The following MGST3 variants were observed in gnomAD, a reference collection of about 807,000 sequenced individuals.
MGST3 encodes microsomal glutathione S-transferase 3, also known as glutathione S-transferase 3, mitochondrial.
In MGST3, 13 loss-of-function variants were observed where a neutral mutation model predicts 15.8. That is an observed-to-expected ratio of 0.82 (90% CI 0.54 to 1.31). MGST3 has a LOEUF of 1.31. Among genes scored for constraint, MGST3 ranks in the 50% most tolerant of loss-of-function variants. The probability of loss-of-function intolerance (pLI) is 0.00; values close to 1 mark genes in which losing one functional copy is unlikely to be tolerated. For missense variants in MGST3, 155 were observed against 192.4 expected (o/e 0.81, Z 1.15); for synonymous variants, 49 against 68.1 (o/e 0.72, Z 1.38).
Position 165,655,398 on chromosome 1 carries a change from G to A in MGST3, c.353G>A (p.Gly118Glu). Residue 118 changes from glycine to glutamate, a missense_variant, in exon 6 of 6, where the codon GGG (glycine) becomes GAG (glutamate). Gly to Glu is a moderately conservative substitution (Grantham distance 98). Transcript: ENST00000367889. ...EPSKRSRGAL[G>E]SIALLGLVGT... ...AGCAAGCGTAGTCGAGGAGCCCTGG[G>A]GTCCATCGCCCTCCTGGGCTTGGTG... 1 of 1,613,974 alleles carries A rather than the reference G, an allele frequency of 6.2e-7. No homozygotes were observed. Among genetic ancestry groups the A allele is most frequent in the South Asian group, 1.1e-5 (1 of 91,070 alleles).
At chr1:165,641,138 G>A (rs149813630) in intron 1 of MGST3, among the ~76,000 whole-genome samples, 46 of 152,240 alleles carry the variant, frequency 3.0e-4, no homozygotes, top group Admixed American at 7.8e-4. Flanking sequence ...AGCCTAGATC[G>A]TGCCACTTCA....
At chr1:165,645,611 T>C (rs1005818466) in intron 1 of MGST3, 14 of 152,208 alleles carry the variant, frequency 9.2e-5, no homozygotes, top group Non-Finnish European at 2.1e-4. Context: ...GCTATACTTT[T>C]ATATGACTGG....
intron 3 of MGST3, 152 bp from the exon 4 acceptor site, chr1:165,651,826 C>T (rs1033496591): frequency 1.6e-5 from 9 of 564,946 alleles, no homozygotes; most frequent in Admixed American, 1.0e-4. Flanking sequence ...ACCCGGGAGG[C>T]GGAGGTTGCA....
At chr1:165,647,156 C>CA (rs1648427102) in intron 1 of MGST3, 1 of 152,198 alleles carries the variant, frequency 6.6e-6, no homozygotes, top group African/African-American at 2.4e-5. Context: ...CATACCTTAA[C>CA]AAAGTGTGAG....
chr1:165,636,482 C>A (rs1202864439), intron 1 of MGST3, among the ~76,000 whole-genome samples: 1 of 152,050 alleles, frequency 6.6e-6, no homozygotes, highest in Admixed American at 6.5e-5. Context: ...ATGCCTGTAA[C>A]CCCAGCACTT....
At chr1:165,642,162 G>A (rs948461423) in intron 1 of MGST3, among the ~76,000 whole-genome samples, 1 of 152,210 alleles carries the variant, frequency 6.6e-6, no homozygotes, top group Non-Finnish European at 1.5e-5. Flanking sequence ...ATTTGCCTGT[G>A]TCCCCTGCTA....
intron 1 of MGST3, among the ~76,000 whole-genome samples, chr1:165,633,728 G>C (rs12043601): frequency 6.6e-6 from 1 of 151,964 alleles, no homozygotes; most frequent in Admixed American, 6.6e-5. Flanking sequence ...TCTTGTAATA[G>C]AAAATTACCA....
intron 4 of MGST3, among the ~76,000 whole-genome samples, chr1:165,652,439 T>C (rs953730016): frequency 1.3e-5 from 2 of 151,574 alleles, no homozygotes; most frequent in Non-Finnish European, 2.9e-5. Flanking sequence ...TTCATAGAGC[T>C]TGCCTTTTTG....
chr1:165,655,316 C>T (rs1229099156), intron 5 of MGST3, 52 bp from the exon 6 acceptor site: 5 of 1,608,264 alleles, frequency 3.1e-6, no homozygotes, highest in Non-Finnish European at 3.4e-6. Flanking sequence ...ATGTTGAAAG[C>T]ATCATAATTC....
chr1:165,635,118 T>G (rs1191794928), intron 1 of MGST3, among the ~76,000 whole-genome samples: 1 of 151,934 alleles, frequency 6.6e-6, no homozygotes, highest in Non-Finnish European at 1.5e-5. Context: ...CTGAGGTTGC[T>G]GCCTGCAGAC....
chr1:165,640,838 G>A (rs982120426), intron 1 of MGST3, among the ~76,000 whole-genome samples: 6 of 152,134 alleles, frequency 3.9e-5, no homozygotes, highest in African/African-American at 7.2e-5. Flanking sequence ...CTTCCCAGCC[G>A]GGATCCTGAT....
chr1:165,637,796 T>C (rs1326185772), intron 1 of MGST3, among the ~76,000 whole-genome samples: 1 of 152,208 alleles, frequency 6.6e-6, no homozygotes, highest in African/African-American at 2.4e-5. Flanking sequence ...AGCATGTGTT[T>C]TAGGAGTTAG....
chr1:165,642,216 T>C (rs1648281160), intron 1 of MGST3, among the ~76,000 whole-genome samples: 3 of 152,218 alleles, frequency 2.0e-5, no homozygotes, highest in African/African-American at 7.2e-5. Context: ...TGTTCCCTGT[T>C]CGTCTCCAGC....
intron 1 of MGST3, among the ~76,000 whole-genome samples, chr1:165,638,809 A>AC (rs71583446): frequency 0.036 from 5,387 of 151,356 alleles, 335 homozygotes; most frequent in African/African-American, 0.13. Context: ...AAAAAAAAAA[A>AC]CCCACATTCT....
In MGST3 at chr1:165,652,022, G is replaced by A. The variant is rs201925632; in HGVS notation, c.236G>A (p.Gly79Asp). 1 of 1,613,322 alleles carries A rather than the reference G, an allele frequency of 6.2e-7. No individual in the cohort carries two copies. Among genetic ancestry groups the A allele is most frequent in the Non-Finnish European group, 8.5e-7 (1 of 1,179,464 alleles). ...TTCTTATTTTTTCTAGCTGTTGGAG[G>A]TGTTTACCACCCGGTAAGTTTTCCA... ...PPFLFFLAVGGVYHPRIASGL... is the reference protein window; with the variant it reads ...PPFLFFLAVGDVYHPRIASGL... Residue 79 changes from glycine to aspartate, a missense_variant, in exon 4 of 6, where the codon GGT (glycine) becomes GAT (aspartate). Transcript: ENST00000367889.
chr1:165,641,542 T>C (rs1011443345), intron 1 of MGST3, among the ~76,000 whole-genome samples: 13 of 152,360 alleles, frequency 8.5e-5, no homozygotes, highest in African/African-American at 3.1e-4. Flanking sequence ...TTAGGAACTG[T>C]TGCATATGTG....
At chr1:165,637,071 T>C (rs1648133211) in intron 1 of MGST3, 2 of 152,180 alleles carry the variant, frequency 1.3e-5, no homozygotes, top group African/African-American at 4.8e-5. Context: ...AAAATATTGA[T>C]TTTTGCCATG....
chr1:165,654,414 G>A (rs1648651573), intron 5 of MGST3, 63 bp downstream of exon 5: 1 of 1,474,230 alleles, frequency 6.8e-7, no homozygotes, highest in Non-Finnish European at 9.5e-7. Flanking sequence ...ATGCTGGCCA[G>A]GCACAGTGGC....
intron 4 of MGST3, 190 bp from the exon 5 acceptor site, chr1:165,654,089 A>G (rs1648636132): frequency 1.7e-6 from 1 of 605,438 alleles, no homozygotes; most frequent in Admixed American, 2.4e-5. Flanking sequence ...CAAGCCATTC[A>G]TAGAAGAATC....
Sources: gnomAD v4.1 joint callset for allele counts (sites outside exome capture counted in the v4.1 genomes callset) on GRCh38, gnomAD v4.1.1 for gene constraint, MANE v1.5 for transcripts, NCBI Gene and HGNC (gene_info 2026-07-23, HGNC 2026-07-21) for gene names.